NKIRAS1: variants seen among roughly 807,000 people sequenced by gnomAD.
NKIRAS1 encodes NF-kappa-B inhibitor-interacting Ras-like protein 1.
Under a neutral mutation model 19.8 loss-of-function variants are expected in NKIRAS1, and 16 were observed. That is an observed-to-expected ratio of 0.81 (90% CI 0.55 to 1.23). The LOEUF is 1.23. NKIRAS1 is among the 50% of genes most tolerant of loss of function. The pLI is 0.00. For synonymous variants in NKIRAS1, 88 were observed against 79.0 expected, an observed-to-expected ratio of 1.11 and a Z score of -0.61; for missense variants, 184 against 220.0, an observed-to-expected ratio of 0.84 and a Z score of 1.04.
At chr3:23,938,643 A>G (rs1449020666) in intron 1 of NKIRAS1, among the ~76,000 whole-genome samples, 2 of 152,190 alleles carry the variant, frequency 1.3e-5, no homozygotes, top group African/African-American at 4.8e-5. Flanking sequence ...GCTATTCAAG[A>G]TATGACCTTG....
At chr3:23,910,761 C>T (rs1575097918) in intron 3 of NKIRAS1, 50 bp downstream of exon 3, 1 of 1,369,918 alleles carries the variant, frequency 7.3e-7, no homozygotes, top group Non-Finnish European at 1.0e-6. Flanking sequence ...AACAAAAGAC[C>T]CCTGATAGCT....
Position 23,945,520 on chromosome 3 carries a change from C to CGGT in NKIRAS1, c.-140+802_-140+803insACC, listed in dbSNP as rs1453266764. 1.3e-5 allele frequency: 14 copies of CGGT among 1,084,710 alleles called. No homozygotes were observed. The African/African-American group carries it at 2.2e-4, about 17-fold the overall frequency. The allele number at this position is 1,084,710 out of a possible 1,614,324, so 67.2% of individuals were successfully genotyped here. On this transcript the variant is annotated intron_variant, in intron 1 of 4. Transcript: ENST00000421515. ...GGGCGGCGCGGCGCTGAGGCGGCGG[C>CGGT]GGCGGCGCTGCCCCCTCTGCGGGAA...
chr3:23,906,108 G>A (rs576577068), intron 3 of NKIRAS1, among the ~76,000 whole-genome samples: 3 of 138,646 alleles, frequency 2.2e-5, no homozygotes, highest in South Asian at 2.3e-4. Context: ...GCAGTGAGCC[G>A]AGATCGTGCC....
intron 1 of NKIRAS1, among the ~76,000 whole-genome samples, chr3:23,938,208 C>CTTT (rs1705431122): frequency 1.0e-5 from 1 of 97,612 alleles, no homozygotes; most frequent in Admixed American, 1.1e-4. Flanking sequence ...AAGTACAGTA[C>CTTT]CTTTTTTTTT....
Position 23,897,028 on chromosome 3 carries a change from A to G in NKIRAS1, c.337-3691T>C, listed in dbSNP as rs142692169. Among the ~76,000 whole-genome samples, 253 of 152,194 alleles carry G rather than the reference A, an allele frequency of 1.7e-3. 1 individual carries two copies. Among genetic ancestry groups the G allele is most frequent in the African/African-American group, 6.0e-3 (250 of 41,518 alleles). ...GGGAGACCAGCCTGGGCAACAGAGC[A>G]AGACCTTGTCTTTGCAAAAAAATAA... On this transcript the variant is annotated intron_variant, in intron 4 of 4. Transcript: ENST00000425478.
At chr3:23,907,692 G>A (rs1033382194) in intron 3 of NKIRAS1, among the ~76,000 whole-genome samples, 1 of 152,070 alleles carries the variant, frequency 6.6e-6, no homozygotes, top group African/African-American at 2.4e-5. Flanking sequence ...TGTGCTTGCA[G>A]TTAAAAAATT....
rs73036717 is a variant in NKIRAS1, at chr3:23,927,084, G to A, written c.-139-15634C>T. ...TGACTAGACATTTAGCTTCTCCATCGATTTTAGTTATTCTTATTAATGATG... is the reference window on the plus strand; with the variant it reads ...TGACTAGACATTTAGCTTCTCCATCAATTTTAGTTATTCTTATTAATGATG... On this transcript the variant is annotated intron_variant, in intron 1 of 4. Coordinates refer to the NKIRAS1 transcript ENST00000421515. The surrounding 1 kb of genome is among the most constrained non-coding windows in gnomAD (Gnocchi z 4.0). Among the ~76,000 whole-genome samples the A allele has an allele frequency of 2.5e-3, 374 of 152,174 alleles. No individual in the cohort carries two copies. Among genetic ancestry groups the A allele is most frequent in the Non-Finnish European group, 4.1e-3 (277 of 68,002 alleles).
upstream of NKIRAS1, chr3:23,920,423 T>C (rs1705012588): frequency 2.0e-6 from 2 of 985,352 alleles, no homozygotes; most frequent in Non-Finnish European, 2.4e-6. Context: ...TCTCTTGTTC[T>C]GGCCAAACAA....
chr3:23,902,775 G>A (rs751794868), intron 3 of NKIRAS1, among the ~76,000 whole-genome samples: 19 of 152,188 alleles, frequency 1.2e-4, no homozygotes, highest in Non-Finnish European at 2.9e-5. Flanking sequence ...GCTTAAGGGT[G>A]CAATCTCTGG....
At chr3:23,910,738 G>A (rs1703614961) in intron 3 of NKIRAS1, 73 bp downstream of exon 3, 1 of 1,082,782 alleles carries the variant, frequency 9.2e-7, no homozygotes, top group South Asian at 1.3e-5. Context: ...ACCACCTTTA[G>A]TTTAGCATGA....
chr3:23,941,395 T>C (rs1332390511), intron 1 of NKIRAS1, among the ~76,000 whole-genome samples: 2 of 152,194 alleles, frequency 1.3e-5, no homozygotes, highest in Non-Finnish European at 1.5e-5. Flanking sequence ...CTGTTAATTG[T>C]ATGTAAGGGC....
chr3:23,907,137 G>T (rs970533150), intron 3 of NKIRAS1, among the ~76,000 whole-genome samples: 1 of 152,098 alleles, frequency 6.6e-6, no homozygotes, highest in Non-Finnish European at 1.5e-5. Flanking sequence ...CAAGTGATCC[G>T]CCTGCCTCGG....
rs564253739 is a variant in NKIRAS1 at position 23,928,073 on chromosome 3, ACTCT to A, written c.-139-16627_-139-16624del. On this transcript the variant is annotated intron_variant, in intron 1 of 4. Transcript: ENST00000421515. ...CAGCCTAGGTAACAAAACAAGACAC[ACTCT>A]CTCTCCTCTCTCTCTCTACACACCA... Among the ~76,000 whole-genome samples the A allele has an allele frequency of 8.1e-3, 1,182 of 146,626 alleles. 13 individuals are homozygous for A. Among genetic ancestry groups the A allele is most frequent in the African/African-American group, 0.028 (1,111 of 39,184 alleles).
At chr3:23,934,034 T>C (rs1258497408) in intron 1 of NKIRAS1, among the ~76,000 whole-genome samples, 6 of 152,182 alleles carry the variant, frequency 3.9e-5, no homozygotes, top group Admixed American at 3.9e-4. Flanking sequence ...CTTAATACTA[T>C]CGCATAGTGA....
At chr3:23,936,798 G>A (rs1253758576) in intron 1 of NKIRAS1, among the ~76,000 whole-genome samples, 1 of 152,144 alleles carries the variant, frequency 6.6e-6, no homozygotes, top group Non-Finnish European at 1.5e-5. Context: ...CGCCTGCCTC[G>A]GCCTCCCAAA....
At chr3:23,929,870 A>G (rs1705274938) in intron 1 of NKIRAS1, among the ~76,000 whole-genome samples, 1 of 152,182 alleles carries the variant, frequency 6.6e-6, no homozygotes, top group Non-Finnish European at 1.5e-5. Context: ...AAATTACCTG[A>G]ATCCCATTAC....
At position 23,910,637 on chromosome 3, in the gene NKIRAS1, C is replaced by G. The variant is rs1285979275; in HGVS notation, c.94+174G>C. On this transcript the variant is annotated intron_variant, in intron 3 of 4. Coordinates refer to ENST00000425478, the MANE Select transcript of NKIRAS1 (RefSeq NM_020345.4). The stretch of plus-strand genomic sequence containing the variant: ...ACTTACAGCAGGCACTCTTGAATTT[C>G]AATAACACTAAGACTTTTTTCCCTC... Among the ~76,000 whole-genome samples the G allele has an allele frequency of 2.6e-5, 4 of 152,166 alleles. No homozygotes were observed. In the East Asian group the frequency reaches 7.7e-4, roughly 29 times the overall value.
Position 23,890,614 on chromosome 3 carries a change from T to A in NKIRAS1, c.*2481A>T, listed in dbSNP as rs72627062. 6,882 of 1,611,952 alleles carry A rather than the reference T, an allele frequency of 4.3e-3. 167 individuals carry two copies. The highest frequency in any genetic ancestry group is 0.041 in the East Asian group (1,834 of 44,758). ...AAGAGATACGCTACATAAATTGGGG[T>A]TTCACAATTCTTACATTATTTGTCT... On this transcript the variant is annotated 3_prime_UTR_variant, in exon 5 of 5. Coordinates refer to ENST00000425478, the MANE Select transcript of NKIRAS1 (RefSeq NM_020345.4).
chr3:23,945,756 C>G (rs562579895), intron 1 of NKIRAS1, among the ~76,000 whole-genome samples: 2 of 150,266 alleles, frequency 1.3e-5, no homozygotes, highest in African/African-American at 2.4e-5. Context: ...CATCGCCCCC[C>G]GGGCCGCCCG....
Sources: allele counts gnomAD v4.1 joint callset (sites outside exome capture counted in the v4.1 genomes callset), GRCh38; gene constraint gnomAD v4.1.1; non-coding constraint Gnocchi (gnomAD v3.1); transcripts MANE v1.5; gene names NCBI Gene and HGNC (gene_info 2026-07-23, HGNC 2026-07-21).